NOS1: variants seen among roughly 807,000 people sequenced by gnomAD.
NOS1 encodes the protein NOS type I.
NOS1 carries 51 observed loss-of-function variants against 164.5 expected under a neutral mutation model. The ratio of observed to expected loss-of-function variants is 0.31; its 90% CI spans 0.25 to 0.39. The LOEUF is 0.39. NOS1 is among the 10% of genes least tolerant of loss of function. NOS1 has a pLI of 1.00. For synonymous variants in NOS1, 719 were observed against 745.8 expected (o/e 0.96, Z 0.59); for missense variants, 1,362 against 1,885.6 (o/e 0.72, Z 5.14).
At chr12:117,264,824 A>G (rs909137776) in intron 12 of NOS1, among the ~76,000 whole-genome samples, 32 of 150,960 alleles carry the variant, frequency 2.1e-4, no homozygotes, top group African/African-American at 6.6e-4. Flanking sequence ...GGTTCAAGCG[A>G]TTCTCTTATC....
At chr12:117,318,741 G>A (rs1043226327) in intron 2 of NOS1, among the ~76,000 whole-genome samples, 1 of 152,218 alleles carries the variant, frequency 6.6e-6, no homozygotes, top group Non-Finnish European at 1.5e-5. Context: ...TGTGTGCTGG[G>A]CACAGGGAGG....
chr12:117,358,611 G>A (rs979464553), intron 1 of NOS1, among the ~76,000 whole-genome samples: 1 of 152,146 alleles, frequency 6.6e-6, no homozygotes. Flanking sequence ...AAACAGCCCC[G>A]TGTGGGAGTT....
chr12:117,310,422 A>T (rs902324150), intron 3 of NOS1, among the ~76,000 whole-genome samples: 3 of 152,228 alleles, frequency 2.0e-5, no homozygotes, highest in African/African-American at 7.2e-5. Flanking sequence ...CTAATCTATA[A>T]GATATGTTAA....
At chr12:117,231,184 G>A (rs1478900082) in intron 22 of NOS1, among the ~76,000 whole-genome samples, 2 of 152,054 alleles carry the variant, frequency 1.3e-5, no homozygotes, top group Non-Finnish European at 2.9e-5. Context: ...GGCCATGGTG[G>A]AAGGCACCTG....
In NOS1 at chr12:117,259,886, G is replaced by A. The variant is rs1266432711; in HGVS notation, c.2367+579C>T. 4.6e-5 allele frequency among the ~76,000 whole-genome samples: 7 copies of A among 151,968 alleles called. No homozygotes were observed. The East Asian group carries it at 1.2e-3, about 25-fold the overall frequency. On this transcript the variant is annotated intron_variant, in intron 14 of 28. Transcript: ENST00000317775. ...TGTAATCCCAGCACTTTGGGAGGCCGAGGCGGGCGAATCAAGAGGTCAGGA... is the reference window on the plus strand; with the variant it reads ...TGTAATCCCAGCACTTTGGGAGGCCAAGGCGGGCGAATCAAGAGGTCAGGA...
Position 117,331,154 on chromosome 12 carries a change from A to G in NOS1, c.-85T>C. The G allele has an allele frequency of 6.6e-7, 1 of 1,509,712 alleles. No homozygotes were observed. The highest frequency in any genetic ancestry group is 8.9e-7 in the Non-Finnish European group (1 of 1,119,150). The allele number at this position is 1,509,712 out of a possible 1,614,324, so 93.5% of individuals were successfully genotyped here. A position where few individuals can be genotyped will look rare whatever the true frequency, so the allele number is the denominator to read the frequency against. On this transcript the variant is annotated 5_prime_UTR_variant, in exon 2 of 29. Transcript: ENST00000317775. ...ATTTCACCAGGAGGATCCAGGCTTC[A>G]GGCTACACGGAGAGCAGGAGCCGGG... is the stretch of plus-strand genomic sequence containing the variant.
At chr12:117,260,175 G>A (rs548631620) in intron 14 of NOS1, among the ~76,000 whole-genome samples, 3 of 150,662 alleles carry the variant, frequency 2.0e-5, no homozygotes, top group Admixed American at 6.6e-5. Flanking sequence ...AAAAACCATC[G>A]AGCTGTACTT....
chr12:117,316,069 T>C (rs563623504), intron 2 of NOS1, among the ~76,000 whole-genome samples: 65 of 152,244 alleles, frequency 4.3e-4, no homozygotes, highest in Non-Finnish European at 7.9e-4. Context: ...GTTATTGTCA[T>C]GGAGGAACTA....
intron 2 of NOS1, among the ~76,000 whole-genome samples, chr12:117,313,477 G>T (rs946131446): frequency 6.6e-6 from 1 of 152,040 alleles, no homozygotes; most frequent in African/African-American, 2.4e-5. Context: ...AAGTTTTTTT[G>T]TAGAGACAGG....
At chr12:117,275,211 A>C (rs190720803) in intron 9 of NOS1, among the ~76,000 whole-genome samples, 4 of 152,078 alleles carry the variant, frequency 2.6e-5, no homozygotes, top group Admixed American at 2.6e-4. Flanking sequence ...TTAAAAAAAA[A>C]CTCTACCAGG....
At chr12:117,294,113 C>A (rs1437897920) in intron 3 of NOS1, among the ~76,000 whole-genome samples, 1 of 152,216 alleles carries the variant, frequency 6.6e-6, no homozygotes, top group Non-Finnish European at 1.5e-5. Context: ...GCACCCCAGC[C>A]ATTCTCCCTA....
At chr12:117,314,052 T>G (rs991713899) in intron 2 of NOS1, among the ~76,000 whole-genome samples, 4 of 152,090 alleles carry the variant, frequency 2.6e-5, no homozygotes, top group Admixed American at 2.6e-4. Context: ...GAGAGCACGA[T>G]CCCCAGTGAC....
chr12:117,346,700 C>G (rs1401948099), intron 1 of NOS1, among the ~76,000 whole-genome samples: 1 of 152,116 alleles, frequency 6.6e-6, no homozygotes, highest in Non-Finnish European at 1.5e-5. Context: ...TTAGGAAGAT[C>G]CCCCAGTGGA....
chr12:117,287,454 T>C (rs1402903510), intron 5 of NOS1, among the ~76,000 whole-genome samples: 3 of 152,120 alleles, frequency 2.0e-5, no homozygotes, highest in Non-Finnish European at 4.4e-5. Context: ...TTGTTTTTTT[T>C]TGAGATGGAG....
chr12:117,240,817 C>T (rs1870103039), intron 20 of NOS1, among the ~76,000 whole-genome samples: 1 of 152,182 alleles, frequency 6.6e-6, no homozygotes, highest in Non-Finnish European at 1.5e-5. Context: ...TAGTGTGTGG[C>T]AGAGCTGGGA....
At chr12:117,226,131 T>C (rs887130803) in intron 24 of NOS1, among the ~76,000 whole-genome samples, 1 of 152,220 alleles carries the variant, frequency 6.6e-6, no homozygotes. Context: ...ATGTGGATCA[T>C]ATCGTGAACA....
chr12:117,300,192 C>T (rs141037551), intron 3 of NOS1, among the ~76,000 whole-genome samples: 9 of 152,188 alleles, frequency 5.9e-5, no homozygotes, highest in Admixed American at 2.0e-4. Flanking sequence ...TACCAATTTA[C>T]AGAGAGGAAG....
rs1288331468 is a variant in NOS1, at chr12:117,211,250, GC to G, written c.*4058del. On this transcript the variant is annotated 3_prime_UTR_variant, in exon 29 of 29. Transcript: ENST00000317775. ...TGGGATTACAGACATGAGCTACCGC[GC>G]CCAGCCTGCAAGATGCTTTAATTTC... 6 of 985,140 alleles carry G rather than the reference GC, an allele frequency of 6.1e-6. No individual in the cohort carries two copies. Among genetic ancestry groups the G allele is most frequent in the Non-Finnish European group, 7.2e-6 (6 of 829,946 alleles). The allele number at this position is 985,140 out of a possible 1,614,324, so 61.0% of individuals were successfully genotyped here. A position where few individuals can be genotyped will look rare whatever the true frequency, so the allele number is the denominator to read the frequency against.
chr12:117,279,153 C>T lies in NOS1; in HGVS notation c.1525-1055G>A, dbSNP rs145133319. 3.7e-3 allele frequency among the ~76,000 whole-genome samples: 557 copies of T among 151,794 alleles called. 4 individuals carry two copies. Among genetic ancestry groups the T allele is most frequent in the African/African-American group, 0.013 (528 of 41,424 alleles). ...CAGCACTTTGGGAGGCAGAGGTGGG[C>T]GGATCATGAGGTCAGGATATTGAGA... is the stretch of plus-strand genomic sequence containing the variant. On this transcript the variant is annotated intron_variant, in intron 8 of 28. Transcript: ENST00000317775.
Sources: allele counts gnomAD v4.1 joint callset (sites outside exome capture counted in the v4.1 genomes callset), GRCh38; gene constraint gnomAD v4.1.1; transcripts MANE v1.5; gene names NCBI Gene and HGNC (gene_info 2026-07-23, HGNC 2026-07-21).